ANK3: variants seen among roughly 807,000 people sequenced by gnomAD.
ANK3 encodes ankyrin 3, also known as ankyrin-3.
In ANK3, 57 loss-of-function variants were observed where a neutral mutation model predicts 370.9. The ratio of observed to expected loss-of-function variants is 0.15; its 90% CI spans 0.12 to 0.19. The LOEUF (loss-of-function observed/expected upper bound fraction) is 0.19, where lower values mean the gene tolerates loss of function less well. ANK3 is among the 10% of genes least tolerant of loss of function. The pLI, the probability that ANK3 is intolerant of heterozygous loss-of-function variation, is 1.00. For missense variants in ANK3, 4,439 were observed against 5,302.1 expected (o/e 0.84, Z 5.06); for synonymous variants, 1,929 against 1,946.3 (o/e 0.99, Z 0.23).
chr10:60,343,375 C>T (rs977529330), intron 1 of ANK3, among the ~76,000 whole-genome samples: 1 of 152,066 alleles, frequency 6.6e-6, no homozygotes, highest in Non-Finnish European at 1.5e-5. Context: ...ACATAGTACT[C>T]TCTAAGTTCA....
chr10:60,489,547 T>TCA (rs1479645117), intron 2 of ANK3, among the ~76,000 whole-genome samples: 12 of 152,300 alleles, frequency 7.9e-5, no homozygotes, highest in African/African-American at 2.9e-4. Flanking sequence ...TTAGCACATT[T>TCA]CCTTCTAGTT....
chr10:60,278,726 G>T, intron 4 of ANK3, 48 bp downstream of exon 4: 2 of 1,456,470 alleles, frequency 1.4e-6, no homozygotes, highest in Non-Finnish European at 1.9e-6. Flanking sequence ...AAAGAACATT[G>T]TTTGTAAATG....
At chr10:60,242,914 G>T (rs1336417229) in intron 7 of ANK3, among the ~76,000 whole-genome samples, 2 of 152,108 alleles carry the variant, frequency 1.3e-5, no homozygotes, top group Non-Finnish European at 2.9e-5. Context: ...CTTGCCAAAG[G>T]TCACAAAGCT....
Position 60,234,730 on chromosome 10 carries a change from T to G in ANK3, c.855A>C (p.Lys285Asn). 1.2e-6 allele frequency: 2 copies of G among 1,613,624 alleles called. No homozygotes were observed. The highest frequency in any genetic ancestry group is 1.7e-6 in the Non-Finnish European group (2 of 1,179,668). Reference sequence around the variant, plus strand: ...TTTTAGCTCCTCGATCGAGCAATAGTTTTACCATATTTGCATTTCCTCTTT... The same window carrying G: ...TTTTAGCTCCTCGATCGAGCAATAGGTTTACCATATTTGCATTTCCTCTTT... ...ASKRGNANMV[K>N]LLLDRGAKID... Residue 285 changes from lysine (K) to asparagine (N), a missense_variant, in exon 8 of 44, where the codon AAA (lysine) becomes AAC (asparagine). Physicochemically the swap from Lys to Asn is moderately conservative, Grantham distance 94. Transcript: ENST00000280772.
At chr10:60,109,274 T>C (rs76743246) in intron 26 of ANK3, among the ~76,000 whole-genome samples, 19 of 152,272 alleles carry the variant, frequency 1.2e-4, no homozygotes, top group Non-Finnish European at 2.6e-4. Context: ...TGGTGGAACA[T>C]GGCCCCCATA....
intron 2 of ANK3, among the ~76,000 whole-genome samples, chr10:60,465,032 G>A (rs1287814914): frequency 1.3e-5 from 2 of 152,104 alleles, no homozygotes; most frequent in Non-Finnish European, 2.9e-5. Flanking sequence ...TTGGGAGGAC[G>A]AGGCAGGTGC....
chr10:60,255,153 T>A (rs528865477), intron 7 of ANK3, among the ~76,000 whole-genome samples: 2 of 152,184 alleles, frequency 1.3e-5, no homozygotes, highest in Non-Finnish European at 2.9e-5. Context: ...ACTTAAAAAA[T>A]CATTATTACT....
intron 2 of ANK3, among the ~76,000 whole-genome samples, chr10:60,586,274 A>C (rs138143742): frequency 3.2e-4 from 48 of 152,276 alleles, no homozygotes; most frequent in African/African-American, 1.1e-3. Flanking sequence ...AGCAATCAGC[A>C]GGGAATTGTT....
chr10:60,040,991 A>G (rs989510640), intron 43 of ANK3, among the ~76,000 whole-genome samples: 2 of 152,332 alleles, frequency 1.3e-5, no homozygotes, highest in African/African-American at 4.8e-5. Context: ...TAGGACATGC[A>G]TAGGAGTGGG....
Position 60,213,760 on chromosome 10 carries a change from A to C in ANK3, c.898-250T>G, listed in dbSNP as rs911620131. On this transcript the variant is annotated intron_variant, in intron 8 of 43. Transcript: ENST00000280772. ...TGACGTTTAAATATATAACTTTTCC[A>C]CTAGTCTTTTGAATAGCCAATAAAA... 9.3e-4 allele frequency among the ~76,000 whole-genome samples: 141 copies of C among 152,200 alleles called. 3 individuals are homozygous for C. The highest frequency in any genetic ancestry group is 6.5e-4 in the Non-Finnish European group (44 of 68,036).
chr10:60,296,411 G>A (rs2042523612), intron 1 of ANK3, among the ~76,000 whole-genome samples: 1 of 152,164 alleles, frequency 6.6e-6, no homozygotes, highest in Admixed American at 6.5e-5. Flanking sequence ...CAAATCCTCT[G>A]TTCTGGGAAA....
At chr10:60,702,705 T>C (rs565891780) in intron 1 of ANK3, among the ~76,000 whole-genome samples, 1 of 152,294 alleles carries the variant, frequency 6.6e-6, no homozygotes, top group South Asian at 2.1e-4. Context: ...GAAAACGAAC[T>C]ATGGGTTTAG....
At chr10:60,345,799 T>C (rs2055328188) in intron 1 of ANK3, among the ~76,000 whole-genome samples, 1 of 152,152 alleles carries the variant, frequency 6.6e-6, no homozygotes, top group Non-Finnish European at 1.5e-5. Flanking sequence ...GCATCTCACT[T>C]CTTTTCTGTA....
chr10:60,342,935 C>T (rs115601552), intron 1 of ANK3, among the ~76,000 whole-genome samples: 2,042 of 152,268 alleles, frequency 0.013, 44 homozygotes, highest in African/African-American at 0.044. Flanking sequence ...GTTCTACAGT[C>T]GTGTGTTTGT....
At chr10:60,692,089 A>T (rs535203515) in intron 1 of ANK3, among the ~76,000 whole-genome samples, 1 of 152,222 alleles carries the variant, frequency 6.6e-6, no homozygotes, top group Non-Finnish European at 1.5e-5. Flanking sequence ...ACATTATTTA[A>T]GATACAAATA....
At chr10:60,099,414 G>A (rs1231986020) in intron 28 of ANK3, among the ~76,000 whole-genome samples, 1 of 152,158 alleles carries the variant, frequency 6.6e-6, no homozygotes, top group Non-Finnish European at 1.5e-5. Flanking sequence ...AGTGCACCAA[G>A]GAAGATATCA....
At chr10:60,426,824 G>A (rs771509076) in intron 2 of ANK3, among the ~76,000 whole-genome samples, 20 of 152,126 alleles carry the variant, frequency 1.3e-4, no homozygotes, top group Non-Finnish European at 2.9e-4. Flanking sequence ...AAGCCAATAT[G>A]TAACGAACAG....
chr10:60,045,819 G>A (rs1227690161), intron 42 of ANK3, among the ~76,000 whole-genome samples: 2 of 152,256 alleles, frequency 1.3e-5, no homozygotes, highest in African/African-American at 4.8e-5. Context: ...CATATGTCAT[G>A]TGACCATATG....
intron 2 of ANK3, among the ~76,000 whole-genome samples, chr10:60,525,948 C>A (rs1430428129): frequency 6.6e-6 from 1 of 151,932 alleles, no homozygotes; most frequent in Non-Finnish European, 1.5e-5. Context: ...GAAAACCAGG[C>A]CAAATGGATT....
Sources: gnomAD v4.1 joint callset for allele counts (sites outside exome capture counted in the v4.1 genomes callset) on GRCh38, gnomAD v4.1.1 for gene constraint, MANE v1.5 for transcripts, NCBI Gene and HGNC (gene_info 2026-07-23, HGNC 2026-07-21) for gene names.